SGCZ: variants seen among roughly 807,000 people sequenced by gnomAD.
The protein encoded by SGCZ is sarcoglycan zeta.
A neutral mutation model predicts 41.3 loss-of-function variants in SGCZ; 40 were observed. That is an observed-to-expected ratio of 0.97 (90% CI 0.75 to 1.26). The LOEUF is 1.26. Among genes scored for constraint, SGCZ ranks in the 50% most tolerant of loss-of-function variants. The probability of loss-of-function intolerance (pLI) is 0.00; values close to 1 mark genes in which losing one functional copy is unlikely to be tolerated. For missense variants in SGCZ, 552 were observed against 369.8 expected, an observed-to-expected ratio of 1.49 and a Z score of -4.04; for synonymous variants, 206 against 137.5, an observed-to-expected ratio of 1.50 and a Z score of -3.49.
intron 1 of SGCZ, among the ~76,000 whole-genome samples, chr8:14,949,300 A>G (rs1278437716): frequency 1.3e-5 from 2 of 152,152 alleles, no homozygotes; most frequent in Non-Finnish European, 2.9e-5. Flanking sequence ...CTCTAGGGAA[A>G]AGTAGTAATT....
intron 1 of SGCZ, among the ~76,000 whole-genome samples, chr8:15,235,745 C>G (rs923102066): frequency 8.5e-5 from 13 of 152,090 alleles, no homozygotes; most frequent in Admixed American, 8.5e-4. Flanking sequence ...AAAGAATCAC[C>G]CCAAATCATT....
intron 1 of SGCZ, among the ~76,000 whole-genome samples, chr8:15,082,212 T>A (rs1031288419): frequency 2.0e-5 from 3 of 151,666 alleles, no homozygotes; most frequent in African/African-American, 7.3e-5. Flanking sequence ...CTGGGCAACA[T>A]AGCGAGACTC....
chr8:14,114,690 T>G (rs565039653), intron 5 of SGCZ, among the ~76,000 whole-genome samples: 99 of 152,106 alleles, frequency 6.5e-4, no homozygotes, highest in African/African-American at 2.3e-3. Context: ...AGCTATTTTC[T>G]TCAAAATTAA....
At chr8:14,947,906 T>C (rs148851043) in intron 1 of SGCZ, among the ~76,000 whole-genome samples, 159 of 152,306 alleles carry the variant, frequency 1.0e-3, no homozygotes, top group Non-Finnish European at 1.9e-3. Context: ...TTTTGAAATC[T>C]GATGATGTGA....
intron 2 of SGCZ, among the ~76,000 whole-genome samples, chr8:14,468,367 T>C (rs972641113): frequency 2.0e-5 from 3 of 152,116 alleles, no homozygotes; most frequent in Admixed American, 2.0e-4. Context: ...TTTTATGATA[T>C]GGCTAATATC....
chr8:14,600,513 G>A (rs768877011), intron 1 of SGCZ, among the ~76,000 whole-genome samples: 2 of 152,078 alleles, frequency 1.3e-5, no homozygotes, highest in Admixed American at 6.5e-5. Context: ...CTCTCAGTGC[G>A]GGAGAGTCAA....
At chr8:14,558,760 C>G (rs1158298939) in intron 1 of SGCZ, among the ~76,000 whole-genome samples, 1 of 151,952 alleles carries the variant, frequency 6.6e-6, no homozygotes, top group African/African-American at 2.4e-5. Flanking sequence ...CTAACCAAAT[C>G]CAATAGTATA....
chr8:14,148,877 T>G (rs768549224), intron 5 of SGCZ, among the ~76,000 whole-genome samples: 1 of 152,118 alleles, frequency 6.6e-6, no homozygotes, highest in African/African-American at 2.4e-5. Flanking sequence ...CAAGGATAGT[T>G]CAACATGCAC....
intron 1 of SGCZ, among the ~76,000 whole-genome samples, chr8:14,587,118 C>T (rs1485365119): frequency 6.6e-6 from 1 of 151,500 alleles, no homozygotes; most frequent in Non-Finnish European, 1.5e-5. Flanking sequence ...GCATTAAAGA[C>T]TTAATATATA....
chr8:15,208,976 A>T lies in SGCZ; in HGVS notation c.39+28609T>A, dbSNP rs550960483. ...TTAACATTTTTTCATAAATTACTGC[A>T]TTTGTTATGAAAAAACTGAGTTCTT... On this transcript the variant is annotated intron_variant, in intron 1 of 7. Transcript: ENST00000382080. Among the ~76,000 whole-genome samples the T allele has an allele frequency of 5.9e-5, 9 of 151,990 alleles. No homozygotes were observed. In the East Asian group the frequency reaches 9.7e-4, roughly 16 times the overall value.
intron 1 of SGCZ, among the ~76,000 whole-genome samples, chr8:14,953,450 G>C (rs903127495): frequency 9.2e-5 from 14 of 152,100 alleles, no homozygotes; most frequent in Admixed American, 8.5e-4. Context: ...CATGAGATTT[G>C]GGTGGGGACT....
chr8:14,330,005 T>C (rs1469980811), intron 2 of SGCZ, among the ~76,000 whole-genome samples: 1 of 152,144 alleles, frequency 6.6e-6, no homozygotes, highest in African/African-American at 2.4e-5. Context: ...TTCACTGCCA[T>C]TTCCTTTTAA....
chr8:15,004,176 T>C (rs538645504), intron 1 of SGCZ, among the ~76,000 whole-genome samples: 1 of 152,236 alleles, frequency 6.6e-6, no homozygotes, highest in African/African-American at 2.4e-5. Flanking sequence ...AGATACATGC[T>C]GTTAAGGACG....
At position 14,108,170 on chromosome 8, in the gene SGCZ, C is replaced by A. The variant is rs190598778; in HGVS notation, c.613G>T (p.Asp205Tyr). Residue 205 changes from aspartate (D) to tyrosine (Y), a missense_variant, in exon 6 of 8, where the codon GAT becomes TAT. By Grantham distance (160) the Asp-to-Tyr change is radical. Transcript: ENST00000382080. ...TPHIRAEPSQ[D>Y]LRLESPTRSL... ...ATAAGAGGAAGCCCTTACCTGAGAT[C>A]TTGGGATGGCTCTGCTCTGATGTGC... The A allele has an allele frequency of 1.4e-4, 226 of 1,614,068 alleles. 1 individual carries two copies. In the Middle Eastern group the frequency reaches 1.6e-3, roughly 12 times the overall value.
chr8:14,150,988 A>T (rs1803690131), intron 5 of SGCZ, among the ~76,000 whole-genome samples: 1 of 152,156 alleles, frequency 6.6e-6, no homozygotes, highest in Admixed American at 6.5e-5. Context: ...AATTGTACTC[A>T]TGAACATAGT....
intron 1 of SGCZ, among the ~76,000 whole-genome samples, chr8:15,016,648 C>T (rs755877699): frequency 7.2e-5 from 11 of 152,100 alleles, no homozygotes; most frequent in Non-Finnish European, 1.5e-4. Flanking sequence ...AATCTTGCCC[C>T]AGTACGTTTG....
chr8:15,074,368 AT>A (rs1177818435), intron 1 of SGCZ, among the ~76,000 whole-genome samples: 2 of 152,126 alleles, frequency 1.3e-5, no homozygotes, highest in African/African-American at 4.8e-5. Flanking sequence ...TGAGCTTTGA[AT>A]TCTGTTACAG....
chr8:14,457,058 C>A (rs1800766704), intron 2 of SGCZ, among the ~76,000 whole-genome samples: 1 of 152,160 alleles, frequency 6.6e-6, no homozygotes, highest in African/African-American at 2.4e-5. Flanking sequence ...AGAACACGAG[C>A]TGTTCCAGTA....
chr8:14,114,092 A>G (rs958634022), intron 5 of SGCZ, among the ~76,000 whole-genome samples: 1 of 152,068 alleles, frequency 6.6e-6, no homozygotes, highest in Non-Finnish European at 1.5e-5. Context: ...GCTCTTATCC[A>G]GTAACTTACG....
Sources: gnomAD v4.1 joint callset for allele counts (sites outside exome capture counted in the v4.1 genomes callset) on GRCh38, gnomAD v4.1.1 for gene constraint, MANE v1.5 for transcripts, NCBI Gene and HGNC (gene_info 2026-07-23, HGNC 2026-07-21) for gene names.